Variants in BMPR1B observed in about 807,000 individuals in gnomAD.
BMPR1B encodes the protein bone morphogenetic protein receptor type-1B.
Under a neutral mutation model 59.1 loss-of-function variants are expected in BMPR1B, and 12 were observed. That is an observed-to-expected ratio of 0.20 (90% confidence interval 0.13 to 0.33). The LOEUF is 0.33. Among genes scored for constraint, BMPR1B ranks in the 10% least tolerant of loss-of-function variants. The pLI, the probability that BMPR1B is intolerant of heterozygous loss-of-function variation, is 1.00. For missense variants in BMPR1B, 550 were observed against 610.9 expected, an observed-to-expected ratio of 0.90 and a Z score of 1.05; for synonymous variants, 237 against 207.3, an observed-to-expected ratio of 1.14 and a Z score of -1.23.
chr4:95,080,715 T>C (rs1241695819), intron 3 of BMPR1B, among the ~76,000 whole-genome samples: 1 of 152,152 alleles, frequency 6.6e-6, no homozygotes, highest in African/African-American at 2.4e-5. Flanking sequence ...ACTATATGTG[T>C]ATTCTTCACT....
intron 3 of BMPR1B, among the ~76,000 whole-genome samples, chr4:95,049,426 T>TG: frequency 2.5e-4 from 1 of 3,994 alleles, no homozygotes; most frequent in Non-Finnish European, 9.0e-4. Flanking sequence ...AAAGTTTTTT[T>TG]TTTTTTTTTT....
chr4:94,968,443 G>C (rs986855614), intron 2 of BMPR1B, among the ~76,000 whole-genome samples: 1 of 151,950 alleles, frequency 6.6e-6, no homozygotes, highest in Non-Finnish European at 1.5e-5. Context: ...ATGGTATATT[G>C]AATTCTGGGG....
chr4:95,096,399 ATAGT>A (rs767277311), intron 3 of BMPR1B, among the ~76,000 whole-genome samples: 17 of 151,402 alleles, frequency 1.1e-4, no homozygotes, highest in Non-Finnish European at 1.8e-4. Context: ...TTGCATTCTG[ATAGT>A]TAGGTAATTT....
chr4:94,859,261 A>G (rs1725886977), intron 1 of BMPR1B, among the ~76,000 whole-genome samples: 1 of 152,156 alleles, frequency 6.6e-6, no homozygotes, highest in Non-Finnish European at 1.5e-5. Flanking sequence ...GTTCTAGTTA[A>G]TAATTTTTTA....
At chr4:94,940,712 C>T (rs1729478036) in intron 2 of BMPR1B, among the ~76,000 whole-genome samples, 2 of 152,186 alleles carry the variant, frequency 1.3e-5, no homozygotes, top group South Asian at 4.1e-4. Context: ...ATTTGTTCTT[C>T]TCCTTTGTAC....
intron 1 of BMPR1B, among the ~76,000 whole-genome samples, chr4:94,792,132 A>T (rs372467523): frequency 6.6e-6 from 1 of 152,212 alleles, no homozygotes; most frequent in African/African-American, 2.4e-5. Flanking sequence ...CTTTCTGACG[A>T]TGAAAACATT....
At position 95,139,719 on chromosome 4, in the gene BMPR1B, TGGGACCCTC is replaced by T. The variant is rs1377289620; in HGVS notation, c.1076+8210_1076+8218del. Among the ~76,000 whole-genome samples, 256 of 152,228 alleles carry T rather than the reference TGGGACCCTC, an allele frequency of 1.7e-3. 1 individual carries two copies. The highest frequency in any genetic ancestry group is 6.8e-3 in the Middle Eastern group (2 of 294). On this transcript the variant is annotated intron_variant, in intron 10 of 12. Coordinates refer to ENST00000515059, the MANE Select transcript of BMPR1B (RefSeq NM_001203.3). ...GGCGTGGGACCCTCCGAGCCGGGCG[TGGGACCCTC>T]GGAGCCATGCGCGGGATATAATCTC...
intron 1 of BMPR1B, among the ~76,000 whole-genome samples, chr4:94,860,472 T>TG (rs1725934099): frequency 6.6e-6 from 1 of 152,182 alleles, no homozygotes; most frequent in African/African-American, 2.4e-5. Context: ...GAAAAGCAGT[T>TG]TTTATGTAAT....
At chr4:94,840,761 C>G (rs1338163277) in intron 1 of BMPR1B, among the ~76,000 whole-genome samples, 2,240 of 131,480 alleles carry the variant, frequency 0.017, 31 homozygotes, top group Non-Finnish European at 0.019. Flanking sequence ...CTTCTCTCAA[C>G]TTGTCAAAGT....
At chr4:95,051,674 G>T (rs760705595) in intron 3 of BMPR1B, 1 of 1,532,966 alleles carries the variant, frequency 6.5e-7, no homozygotes, top group African/African-American at 1.4e-5. Flanking sequence ...AAACAGGCAG[G>T]GCACATTGAC....
chr4:95,050,327 CAG>C (rs1726404722), intron 3 of BMPR1B, among the ~76,000 whole-genome samples: 1 of 152,106 alleles, frequency 6.6e-6, no homozygotes, highest in South Asian at 2.1e-4. Flanking sequence ...CTGTGAAATG[CAG>C]AATGTGTAGT....
At chr4:94,896,000 A>G (rs1347871623) in intron 2 of BMPR1B, among the ~76,000 whole-genome samples, 1 of 152,006 alleles carries the variant, frequency 6.6e-6, no homozygotes, top group African/African-American at 2.4e-5. Context: ...TCTCACCAGT[A>G]TGACTTTTTA....
At chr4:94,823,561 A>G (rs993773943) in intron 1 of BMPR1B, among the ~76,000 whole-genome samples, 1 of 152,172 alleles carries the variant, frequency 6.6e-6, no homozygotes, top group African/African-American at 2.4e-5. Context: ...TTTATGAAGA[A>G]AAAGAACCAG....
intron 1 of BMPR1B, among the ~76,000 whole-genome samples, chr4:94,783,202 T>C (rs541291876): frequency 6.6e-6 from 1 of 152,328 alleles, no homozygotes; most frequent in South Asian, 2.1e-4. Flanking sequence ...GTGACAGTGC[T>C]CCAGTCATAA....
At chr4:94,868,535 C>G (rs1217077230) in intron 1 of BMPR1B, among the ~76,000 whole-genome samples, 1 of 152,146 alleles carries the variant, frequency 6.6e-6, no homozygotes. Context: ...GTCATTGGAG[C>G]TGAGTGTGGG....
At chr4:95,003,005 A>T (rs1012667483) in intron 3 of BMPR1B, among the ~76,000 whole-genome samples, 3 of 151,852 alleles carry the variant, frequency 2.0e-5, no homozygotes, top group African/African-American at 4.8e-5. Flanking sequence ...TTAAAAAAAA[A>T]TTAAAGGATC....
Position 94,885,585 on chromosome 4 carries a change from G to A in BMPR1B, c.-113+9685G>A, listed in dbSNP as rs565484991. ...AACTTCAGGGAAAAAAAGACATTTT[G>A]CCAAAATGCCTGACCACTTTGTGGT... On this transcript the variant is annotated intron_variant, in intron 2 of 12. Coordinates refer to ENST00000515059, the MANE Select transcript of BMPR1B (RefSeq NM_001203.3). 7.9e-5 allele frequency among the ~76,000 whole-genome samples: 12 copies of A among 152,138 alleles called. No individual in the cohort carries two copies. In the East Asian group the frequency reaches 2.3e-3, roughly 29 times the overall value.
Position 95,115,711 on chromosome 4 carries a change from A to T in BMPR1B, c.273A>T (p.Arg91Ser). 1.9e-6 allele frequency: 3 copies of T among 1,613,730 alleles called. No homozygotes were observed. Among genetic ancestry groups the T allele is most frequent in the African/African-American group, 1.3e-5 (1 of 75,030 alleles). ...ACACTCCCATTCCTCATCAAAGAAG[A>T]TCAATTGAATGCTGCACAGAAAGGA... ...CRDTPIPHQR[R>S]SIECCTERNE... is the part of the protein sequence containing the mutation. Residue 91 changes from arginine to serine, a missense_variant, in exon 6 of 13, where the codon AGA (arginine) becomes AGT (serine). Physicochemically the swap from Arg to Ser is moderately radical, Grantham distance 110 (BLOSUM62 -1). Transcript: ENST00000515059.
chr4:95,067,309 C>A (rs965161398), intron 3 of BMPR1B, among the ~76,000 whole-genome samples: 1 of 152,086 alleles, frequency 6.6e-6, no homozygotes, highest in African/African-American at 2.4e-5. Context: ...AATTTTTTCC[C>A]AAGTATGTTT....
Sources: gnomAD v4.1 joint callset for allele counts (sites outside exome capture counted in the v4.1 genomes callset) on GRCh38, gnomAD v4.1.1 for gene constraint, MANE v1.5 for transcripts, NCBI Gene and HGNC (gene_info 2026-07-23, HGNC 2026-07-21) for gene names.